The following BAG3 variants were observed in gnomAD, a reference collection of about 807,000 sequenced individuals.
BAG3 encodes the protein BAG family molecular chaperone regulator 3.
In BAG3, 14 loss-of-function variants were observed where a neutral mutation model predicts 40.5. That is an observed-to-expected ratio of 0.35 (90% CI 0.23 to 0.54). BAG3 has a LOEUF of 0.54. Ranked by LOEUF, BAG3 falls within the 20% of genes least tolerant of loss-of-function variation. The probability of loss-of-function intolerance (pLI) is 0.91; values close to 1 mark genes in which losing one functional copy is unlikely to be tolerated. For missense variants in BAG3, 788 were observed against 758.6 expected (o/e 1.04, Z -0.46); for synonymous variants, 302 against 307.8 (o/e 0.98, Z 0.20).
In BAG3 at chr10:119,651,593, C is replaced by G; in HGVS notation, c.-83C>G. 1.5e-6 allele frequency: 2 copies of G among 1,292,542 alleles called. No homozygotes were observed. Among genetic ancestry groups the G allele is most frequent in the Non-Finnish European group, 2.0e-6 (2 of 1,001,852 alleles). The allele number at this position is 1,292,542 out of a possible 1,614,324, so 80.1% of individuals were successfully genotyped here. ...GGACACGTCGGCGGCGGAGAGGGGCCCACGGCGGCGGCCCGGCCAGAGACT... is the reference window on the plus strand; with the variant it reads ...GGACACGTCGGCGGCGGAGAGGGGCGCACGGCGGCGGCCCGGCCAGAGACT... On this transcript the variant is annotated 5_prime_UTR_variant, in exon 1 of 4. Transcript: ENST00000369085.
Position 119,651,830 on chromosome 10 carries a change from C to G in BAG3, c.155C>G (p.Pro52Arg), listed in dbSNP as rs1846845477. Reference sequence around the variant, plus strand: ...AGCCGCACCACTACGTGGAACGACCCGCGCGTGCCCTCTGAGGGCCCCAAG... The same window carrying G: ...AGCCGCACCACTACGTGGAACGACCGGCGCGTGCCCTCTGAGGGCCCCAAG... ...HNSRTTTWND[P>R]RVPSEGPKET... The change falls in exon 1 of 4, where the codon CCG becomes CGG. Residue 52 changes from proline to arginine, a missense_variant. By Grantham distance (103) the Pro-to-Arg change is moderately radical (BLOSUM62 -2). Transcript: ENST00000369085. 3.8e-6 allele frequency: 6 copies of G among 1,588,652 alleles called. No individual in the cohort carries two copies. The highest frequency in any genetic ancestry group is 4.3e-6 in the Non-Finnish European group (5 of 1,168,626).
intron 2 of BAG3, among the ~76,000 whole-genome samples, chr10:119,671,961 G>T (rs1847155900): frequency 6.6e-6 from 1 of 152,106 alleles, no homozygotes; most frequent in South Asian, 2.1e-4. Context: ...GCTAATTTTT[G>T]TATTTTTGGT....
intron 1 of BAG3, among the ~76,000 whole-genome samples, chr10:119,669,239 G>C (rs982667663): frequency 6.6e-6 from 1 of 152,180 alleles, no homozygotes; most frequent in Non-Finnish European, 1.5e-5. Flanking sequence ...AGGCGACACA[G>C]TTAACCCTGG....
chr10:119,659,077 C>G (rs1212624423), intron 1 of BAG3, among the ~76,000 whole-genome samples: 5 of 152,170 alleles, frequency 3.3e-5, no homozygotes, highest in African/African-American at 1.2e-4. Context: ...CGACCAGTGT[C>G]CAGGTGGCCC....
intron 3 of BAG3, among the ~76,000 whole-genome samples, chr10:119,674,816 A>C (rs1255439077): frequency 6.6e-6 from 1 of 150,518 alleles, no homozygotes; most frequent in East Asian, 1.9e-4. Flanking sequence ...TAAAAATACA[A>C]AAAAAAAAGT....
rs150589065 is a variant in BAG3 at position 119,669,399 on chromosome 10, C to G, written c.181-452C>G. ...CTGTGTCCTGTGTTTGGGCCCAGTACAAGCTCTATATTGCTGGGAAATGTG... is the reference window on the plus strand; with the variant it reads ...CTGTGTCCTGTGTTTGGGCCCAGTAGAAGCTCTATATTGCTGGGAAATGTG... On this transcript the variant is annotated intron_variant, in intron 1 of 3. Coordinates refer to ENST00000369085, the MANE Select transcript of BAG3 (RefSeq NM_004281.4). Among the ~76,000 whole-genome samples, 15 of 152,286 alleles carry G rather than the reference C, an allele frequency of 9.8e-5. No individual in the cohort carries two copies. The East Asian group carries it at 2.7e-3, about 27-fold the overall frequency.
intron 2 of BAG3, among the ~76,000 whole-genome samples, chr10:119,671,153 C>A (rs1038033543): frequency 6.6e-6 from 1 of 152,042 alleles, no homozygotes; most frequent in African/African-American, 2.4e-5. Context: ...ACAAAAAATA[C>A]AAAAATTAGC....
At chr10:119,653,601 C>G (rs1483899173) in intron 1 of BAG3, among the ~76,000 whole-genome samples, 1 of 152,208 alleles carries the variant, frequency 6.6e-6, no homozygotes, top group Non-Finnish European at 1.5e-5. Flanking sequence ...TACCATTATT[C>G]TTGTCAGCAA....
At chr10:119,663,087 G>A (rs1057510821) in intron 1 of BAG3, among the ~76,000 whole-genome samples, 4 of 152,278 alleles carry the variant, frequency 2.6e-5, no homozygotes, top group Non-Finnish European at 4.4e-5. Context: ...GCCCATTTTC[G>A]GGTTTCAGTG....
intron 1 of BAG3, among the ~76,000 whole-genome samples, chr10:119,653,616 A>C (rs2134051962): frequency 6.6e-6 from 1 of 152,370 alleles, no homozygotes; most frequent in East Asian, 1.9e-4. Flanking sequence ...CAGCAAATAC[A>C]AAGAACTACT....
chr10:119,657,486 C>T (rs185526956), intron 1 of BAG3: 11 of 469,126 alleles, frequency 2.3e-5, no homozygotes, highest in Middle Eastern at 3.3e-4. Context: ...AAAGATGGAA[C>T]GAGTGACTGT....
chr10:119,652,785 C>G (rs1453782529), intron 1 of BAG3, among the ~76,000 whole-genome samples: 3 of 152,182 alleles, frequency 2.0e-5, no homozygotes, highest in Non-Finnish European at 2.9e-5. Flanking sequence ...GTCTCATTTA[C>G]ATACATGCAA....
intron 1 of BAG3, among the ~76,000 whole-genome samples, chr10:119,667,900 A>T (rs1564772771): frequency 6.6e-6 from 1 of 152,230 alleles, no homozygotes; most frequent in Non-Finnish European, 1.5e-5. Flanking sequence ...AAGGAGGAGG[A>T]CCTCAGTGAG....
chr10:119,654,874 C>T (rs1846890829), intron 1 of BAG3, among the ~76,000 whole-genome samples: 1 of 152,242 alleles, frequency 6.6e-6, no homozygotes, highest in Admixed American at 6.5e-5. Context: ...AGCAGGGCCG[C>T]TCTAGCTCCA....
chr10:119,652,124 C>CG, intron 1 of BAG3, among the ~76,000 whole-genome samples: 1 of 152,086 alleles, frequency 6.6e-6, no homozygotes, highest in Middle Eastern at 3.4e-3. Context: ...GCTCCGGTGC[C>CG]GTCCACGGCT....
chr10:119,655,025 G>C (rs1438841691), intron 1 of BAG3, among the ~76,000 whole-genome samples: 1 of 152,194 alleles, frequency 6.6e-6, no homozygotes, highest in Non-Finnish European at 1.5e-5. Flanking sequence ...AAACTATTAA[G>C]TCCAGAAAGC....
At chr10:119,675,992 C>T (rs946566262) in intron 3 of BAG3, among the ~76,000 whole-genome samples, 6 of 126,792 alleles carry the variant, frequency 4.7e-5, no homozygotes, top group Admixed American at 2.5e-4. Flanking sequence ...ATGACATAAT[C>T]GTGGCTCACT....
intron 3 of BAG3, among the ~76,000 whole-genome samples, chr10:119,674,495 C>T (rs118143027): frequency 6.6e-6 from 1 of 152,190 alleles, no homozygotes; most frequent in South Asian, 2.1e-4. Context: ...AGAGCTGATT[C>T]AAAGTTCCCT....
intron 1 of BAG3, among the ~76,000 whole-genome samples, chr10:119,658,361 T>TCTGACAGCGCTCCATGC (rs1267452712): frequency 1.3e-5 from 2 of 152,188 alleles, no homozygotes; most frequent in Non-Finnish European, 2.9e-5. Flanking sequence ...CTTCCCCGGT[T>TCTGACAGCGCTCCATGC]CTGACAGCGC....
Sources: allele counts gnomAD v4.1 joint callset (sites outside exome capture counted in the v4.1 genomes callset), GRCh38; gene constraint gnomAD v4.1.1; transcripts MANE v1.5; gene names NCBI Gene and HGNC (gene_info 2026-07-23, HGNC 2026-07-21).